ZNG1A: variants seen among roughly 807,000 people sequenced by gnomAD.
The protein encoded by ZNG1A is zinc-regulated GTPase metalloprotein activator 1A.
At chr9:135,246 T>C in the ZNG1A span, among the ~76,000 whole-genome samples, 1 of 151,018 alleles carries the variant, frequency 6.6e-6, no homozygotes, top group African/African-American at 2.5e-5. Flanking sequence ...CACATTCATA[T>C]ATATACATAT....
At chr9:170,395 G>A in the ZNG1A span, among the ~76,000 whole-genome samples, 416 of 142,536 alleles carry the variant, frequency 2.9e-3, 5 homozygotes, top group African/African-American at 7.3e-3. Flanking sequence ...GCATGTGCGT[G>A]TGTGTGTGTG....
At chr9:164,050 A>T in the ZNG1A span, 1 of 1,562,650 alleles carries the variant, frequency 6.4e-7, no homozygotes, top group Non-Finnish European at 8.6e-7. Flanking sequence ...GAAAATATAT[A>T]ATATTCATCA....
chr9:129,038 G>T, the ZNG1A span, among the ~76,000 whole-genome samples: 1 of 151,418 alleles, frequency 6.6e-6, no homozygotes, highest in African/African-American at 2.4e-5. Context: ...AACCATCTGT[G>T]GGTCTCTCAG....
chr9:124,171 C>T, the ZNG1A span, among the ~76,000 whole-genome samples: 1 of 151,422 alleles, frequency 6.6e-6, no homozygotes, highest in Non-Finnish European at 1.5e-5. Context: ...CTCTCACTGT[C>T]TACCCTAAAG....
At chr9:129,830 C>A in the ZNG1A span, among the ~76,000 whole-genome samples, 3 of 148,420 alleles carry the variant, frequency 2.0e-5, no homozygotes, top group Non-Finnish European at 4.5e-5. Flanking sequence ...TTTTTTACCA[C>A]AATAAAAAAT....
At chr9:168,312 G>C in the ZNG1A span, among the ~76,000 whole-genome samples, 1 of 151,684 alleles carries the variant, frequency 6.6e-6, no homozygotes, top group Non-Finnish European at 1.5e-5. Flanking sequence ...GGAGTGCAAT[G>C]TGCAATCTCA....
chr9:138,796 T>C, the ZNG1A span, among the ~76,000 whole-genome samples: 5 of 148,968 alleles, frequency 3.4e-5, no homozygotes, highest in Non-Finnish European at 5.9e-5. Context: ...CCCAGCTTCT[T>C]GGGAGGCTGA....
At chr9:129,186 G>C in the ZNG1A span, among the ~76,000 whole-genome samples, 1 of 152,242 alleles carries the variant, frequency 6.6e-6, no homozygotes, top group African/African-American at 2.4e-5. Context: ...TTTCCAGAGA[G>C]TGTCAGTTGT....
At chr9:161,075 G>A in the ZNG1A span, among the ~76,000 whole-genome samples, 1 of 151,396 alleles carries the variant, frequency 6.6e-6, no homozygotes, top group African/African-American at 2.4e-5. Flanking sequence ...AGGGAGAGAA[G>A]GCCCAGTGAA....
At chr9:158,328 A>G in the ZNG1A span, among the ~76,000 whole-genome samples, 1 of 152,106 alleles carries the variant, frequency 6.6e-6, no homozygotes, top group Non-Finnish European at 1.5e-5. Flanking sequence ...CCCATTAAGC[A>G]GTAAATCTAC....
chr9:135,693 G>GACTGAAA, the ZNG1A span, among the ~76,000 whole-genome samples: 1 of 110,118 alleles, frequency 9.1e-6, no homozygotes, highest in Non-Finnish European at 1.6e-5. Context: ...AGGGGGAAAG[G>GACTGAAA]ACTGAAAACC....
At chr9:158,664 A>G in the ZNG1A span, among the ~76,000 whole-genome samples, 76 of 151,110 alleles carry the variant, frequency 5.0e-4, no homozygotes, top group African/African-American at 1.6e-3. Context: ...GTGGTAGACT[A>G]ACGTTTTACT....
chr9:147,981 C>G, the ZNG1A span: 3 of 151,424 alleles, frequency 2.0e-5, no homozygotes, highest in African/African-American at 7.3e-5. Flanking sequence ...GCCGAGGTCG[C>G]ACCACCGCAC....
chr9:160,552 A>G, the ZNG1A span, among the ~76,000 whole-genome samples: 1 of 151,366 alleles, frequency 6.6e-6, no homozygotes. Flanking sequence ...TCAAGGTAGC[A>G]GGAGGTTAAA....
At chr9:155,013 T>G in the ZNG1A span, among the ~76,000 whole-genome samples, 1 of 152,178 alleles carries the variant, frequency 6.6e-6, no homozygotes, top group Non-Finnish European at 1.5e-5. Context: ...TTCATTACTA[T>G]GCAAGTTCAG....
At chr9:163,933 A>T in the ZNG1A span, 1 of 1,564,814 alleles carries the variant, frequency 6.4e-7, no homozygotes, top group Admixed American at 1.9e-5. Flanking sequence ...CTCAGAAAAA[A>T]AAAAAAAAAC....
At chr9:156,039 C>A in the ZNG1A span, among the ~76,000 whole-genome samples, 2 of 150,680 alleles carry the variant, frequency 1.3e-5, no homozygotes, top group Admixed American at 1.3e-4. Context: ...ACTTGGGAGG[C>A]TGAGGCAGGA....
At chr9:138,237 A>G in the ZNG1A span, among the ~76,000 whole-genome samples, 153 of 151,250 alleles carry the variant, frequency 1.0e-3, no homozygotes, top group African/African-American at 3.6e-3. Flanking sequence ...GGTGAAAAAC[A>G]TATCTCTCAA....
chr9:171,831 A>G, the ZNG1A span: 1 of 512,568 alleles, frequency 2.0e-6, no homozygotes, highest in Admixed American at 3.4e-5. Flanking sequence ...CTGTTCTTAC[A>G]AATAATCCTA....
Sources: gnomAD v4.1 joint callset for allele counts (sites outside exome capture counted in the v4.1 genomes callset) on GRCh38, gnomAD v4.1.1 for gene constraint, MANE v1.5 for transcripts, NCBI Gene and HGNC (gene_info 2026-07-23, HGNC 2026-07-21) for gene names.